Variants in SCN4A observed in about 807,000 individuals in gnomAD.
SCN4A encodes the protein sodium channel protein type 4 subunit alpha.
A neutral mutation model predicts 162.0 loss-of-function variants in SCN4A; 83 were observed. The observed-to-expected ratio is 0.51, with a 90% confidence interval of 0.43 to 0.61. The LOEUF (loss-of-function observed/expected upper bound fraction) is 0.61. Ranked by LOEUF, SCN4A falls within the 20% of genes least tolerant of loss-of-function variation. The probability of loss-of-function intolerance (pLI) is 0.00; values close to 1 mark genes in which losing one functional copy is unlikely to be tolerated. For synonymous variants in SCN4A, 944 were observed against 985.1 expected (o/e 0.96, Z 0.78); for missense variants, 2,196 against 2,462.5 (o/e 0.89, Z 2.29).
intron 10 of SCN4A, chr17:63,961,680 A>G: frequency 2.0e-6 from 1 of 503,156 alleles, no homozygotes; most frequent in Non-Finnish European, 3.6e-6. Flanking sequence ...TCCAAGCTCC[A>G]CCGCCTCAGT....
intron 10 of SCN4A, 34 bp from the exon 11 acceptor site, chr17:63,961,465 GAT>G (rs1567824791): frequency 6.7e-7 from 1 of 1,503,724 alleles, no homozygotes; most frequent in Admixed American, 1.7e-5. Context: ...ATCTGGTGAG[GAT>G]TATCCCCTCA....
rs1194087112 is a variant in SCN4A, at chr17:63,949,715, A to T, written c.2854-187T>A. 3 of 604,326 alleles carry T rather than the reference A, an allele frequency of 5.0e-6. No individual in the cohort carries two copies. The East Asian group carries it at 8.9e-5, about 18-fold the overall frequency. 37.4% of individuals were successfully genotyped at this position (604,326 alleles called of 1,614,324 possible). A position where few individuals can be genotyped will look rare whatever the true frequency, so the allele number is the denominator to read the frequency against. ...CACGGGGACGTAGGTGGCCCTGGTC[A>T]TGCCCGCATGACACTTATATAAGGA... On this transcript the variant is annotated intron_variant, in intron 14 of 23. Coordinates refer to ENST00000435607, the MANE Select transcript of SCN4A (RefSeq NM_000334.4).
At chr17:63,942,258 G>GGTGTGTGTGTGTGTGT (rs58036769) in intron 23 of SCN4A, among the ~76,000 whole-genome samples, 1 of 138,542 alleles carries the variant, frequency 7.2e-6, no homozygotes, top group Non-Finnish European at 1.5e-5. Flanking sequence ...AAATGCCACT[G>GGTGTGTGTGTGTGTGT]GTGTGTGTGT....
rs1299411449 is a variant in SCN4A at position 63,945,073 on chromosome 17, G to A, written c.3721-13C>T. ...CCTTGAAGGTGGCCTGAGAGAGTGT[G>A]GTTGGGGAGTGAGCCGGGGGGCTGC... On this transcript the variant is annotated splice_polypyrimidine_tract_variant and intron_variant, in intron 19 of 23. Coordinates refer to ENST00000435607, the MANE Select transcript of SCN4A (RefSeq NM_000334.4). This position sits in a 1 kb window ranked among gnomAD's most constrained non-coding sequence, Gnocchi z 4.4. 1.9e-6 allele frequency: 3 copies of A among 1,612,732 alleles called. No individual in the cohort carries two copies. In the South Asian group the frequency reaches 3.3e-5, roughly 18 times the overall value.
chr17:63,954,823 G>A (rs1352235889), intron 13 of SCN4A, among the ~76,000 whole-genome samples: 1 of 152,142 alleles, frequency 6.6e-6, no homozygotes, highest in Non-Finnish European at 1.5e-5. Context: ...GTGTTCGTGT[G>A]TGCATGTCTG....
In SCN4A at chr17:63,942,258, G is replaced by GGTGTGTGTGT. The variant is rs58036769; in HGVS notation, c.4289-275_4289-266dup. On this transcript the variant is annotated intron_variant, in intron 23 of 23. Transcript: ENST00000435607. ...CCCAAGGCTGTTTGCAAATGCCACT[G>GGTGTGTGTGT]GTGTGTGTGTGTGTGTGTGTGTGTG... Among the ~76,000 whole-genome samples the GGTGTGTGTGT allele has an allele frequency of 7.7e-3, 1,067 of 138,622 alleles. 6 individuals carry two copies. The highest frequency in any genetic ancestry group is 0.019 in the Admixed American group (279 of 14,376). The allele number at this position is 138,622 out of a possible 152,430, so 90.9% of individuals were successfully genotyped here.
chr17:63,951,073 C>A lies in SCN4A; in HGVS notation c.2853+351G>T, dbSNP rs1051356842. On this transcript the variant is annotated intron_variant, in intron 14 of 23. Coordinates refer to ENST00000435607, the MANE Select transcript of SCN4A (RefSeq NM_000334.4). This position sits in a 1 kb window ranked among gnomAD's most constrained non-coding sequence, Gnocchi z 4.5. ...CCCAGAGGAGAATATGTAAGAGAGG[C>A]CTCTCAGGTCCTGGTCCTGGAGCTG... Among the ~76,000 whole-genome samples the A allele has an allele frequency of 6.6e-6, 1 of 152,154 alleles. No homozygotes were observed. The highest frequency in any genetic ancestry group is 2.4e-5 in the African/African-American group (1 of 41,434).
chr17:63,962,055 C>T (rs1299397304), intron 10 of SCN4A, among the ~76,000 whole-genome samples: 1 of 151,948 alleles, frequency 6.6e-6, no homozygotes, highest in African/African-American at 2.4e-5. Context: ...CCTTTCAATG[C>T]CCTGCCTCAA....
rs79893125 is a variant in SCN4A at position 63,951,646 on chromosome 17, A to T, written c.2631T>A (p.Asp877Glu). 2.5e-6 allele frequency: 4 copies of T among 1,603,166 alleles called. No homozygotes were observed. The African/African-American group carries it at 5.4e-5, about 21-fold the overall frequency. Residue 877 changes from aspartate to glutamate, a missense_variant, in exon 14 of 24, where the codon GAT (aspartate) becomes GAA (glutamate). Coordinates refer to ENST00000435607, the MANE Select transcript of SCN4A (RefSeq NM_000334.4). This position sits in a 1 kb window ranked among gnomAD's most constrained non-coding sequence, Gnocchi z 4.5. The part of the protein sequence containing the change: ...AGEAGETAPE[D>E]EKKEPPEEDL... Reference sequence around the variant, plus strand: ...CCTCCTCGGGCGGCTCCTTCTTCTCATCCTCGGGGGCAGTCTCCCCCGCCT... The same window carrying T: ...CCTCCTCGGGCGGCTCCTTCTTCTCTTCCTCGGGGGCAGTCTCCCCCGCCT...
At chr17:63,958,340 G>C (rs747840119) in intron 12 of SCN4A, among the ~76,000 whole-genome samples, 1 of 151,804 alleles carries the variant, frequency 6.6e-6, no homozygotes, top group East Asian at 1.9e-4. Flanking sequence ...CTGGGTGACA[G>C]AGAAACCCTG....
rs767091174 is a variant in SCN4A, at chr17:63,964,723, C to T, written c.1243-46G>A. ...AGTGGAGGGGTCCCATGACGTCCAC[C>T]TCCTTTGACCCAGTGCCCCTTTCCA... On this transcript the variant is annotated intron_variant, in intron 8 of 23. Transcript: ENST00000435607. 5.5e-6 allele frequency: 8 copies of T among 1,466,088 alleles called. 1 individual carries two copies. In the South Asian group the frequency reaches 8.5e-5, roughly 16 times the overall value. The allele number at this position is 1,466,088 out of a possible 1,614,324, so 90.8% of individuals were successfully genotyped here. A position where few individuals can be genotyped will look rare whatever the true frequency, so the allele number is the denominator to read the frequency against.
In SCN4A at chr17:63,966,679, C is replaced by T. The variant is rs765159459; in HGVS notation, c.1037-135G>A. 3.2e-4 allele frequency: 216 copies of T among 679,458 alleles called. 1 individual carries two copies. The highest frequency in any genetic ancestry group is 7.6e-5 in the Non-Finnish European group (29 of 383,632). 42.1% of individuals were successfully genotyped at this position (679,458 alleles called of 1,614,324 possible). A position where few individuals can be genotyped will look rare whatever the true frequency, so the allele number is the denominator to read the frequency against. On this transcript the variant is annotated intron_variant, in intron 6 of 23. Transcript: ENST00000435607. ...AACGGATGTTCCCTGGCTGCCTCTT[C>T]CCCGTCCTTTAAGGACAGCTCCAAG...
Position 63,943,730 on chromosome 17 carries a change from G to T in SCN4A, c.4017+16C>A, listed in dbSNP as rs557560802. 76 of 1,521,676 alleles carry T rather than the reference G, an allele frequency of 5.0e-5. 1 individual carries two copies. The South Asian group carries it at 7.6e-4, about 15-fold the overall frequency. 94.3% of individuals were successfully genotyped at this position (1,521,676 alleles called of 1,614,324 possible). On this transcript the variant is annotated intron_variant, in intron 22 of 23. Coordinates refer to ENST00000435607, the MANE Select transcript of SCN4A (RefSeq NM_000334.4). ...CCTGGCAGCACACACAGGACAGGGGGCCCAGAGGTCTGTACCTGGGGCCGG... is the reference window on the plus strand; with the variant it reads ...CCTGGCAGCACACACAGGACAGGGGTCCCAGAGGTCTGTACCTGGGGCCGG...
Position 63,945,812 on chromosome 17 carries a change from GA to G in SCN4A, c.3442-175del, listed in dbSNP as rs891504644. On this transcript the variant is annotated intron_variant, in intron 18 of 23. Transcript: ENST00000435607. The surrounding 1 kb of genome is among the most constrained non-coding windows in gnomAD (Gnocchi z 4.4). ...TGTGCAGGTTGGGGGTGGTAAGGGG[GA>G]GGGGGAGGGAGCTGCAGGCCTGGTG... Among the ~76,000 whole-genome samples, 1 of 151,500 alleles carries G rather than the reference GA, an allele frequency of 6.6e-6. No homozygotes were observed. The highest frequency in any genetic ancestry group is 2.4e-5 in the African/African-American group (1 of 41,238).
chr17:63,964,332 T>C (rs756561885), intron 9 of SCN4A, 136 bp downstream of exon 9: 2 of 696,764 alleles, frequency 2.9e-6, no homozygotes, highest in Non-Finnish European at 4.9e-6. Flanking sequence ...GCCCAGGGCC[T>C]TCTGCTCCTT....
At chr17:63,957,621 GC>G (rs1012495639) in intron 12 of SCN4A, 103 bp from the exon 13 acceptor site, 8 of 727,432 alleles carry the variant, frequency 1.1e-5, no homozygotes, top group African/African-American at 1.1e-4. Context: ...TGAATCTCCA[GC>G]CCCCCACACC....
rs866065846 is a variant in SCN4A at position 63,941,353 on chromosome 17, G to A, written c.4929C>T (p.Phe1643=). 11 of 1,613,806 alleles carry A rather than the reference G, an allele frequency of 6.8e-6. No homozygotes were observed. The highest frequency in any genetic ancestry group is 2.2e-5 in the East Asian group (1 of 44,884). The change falls in exon 24 of 24, where the codon TTC becomes TTT. Residue 1643 remains phenylalanine (F), a synonymous_variant. Coordinates refer to ENST00000435607, the MANE Select transcript of SCN4A (RefSeq NM_000334.4). The surrounding 1 kb of genome is among the most constrained non-coding windows in gnomAD (Gnocchi z 6.2). ...TCAGCGGTTCCTGCAGGGTGTCCACGAAGTCTGAGAGGCGGCTGTAGGCGA... is the reference window on the plus strand; with the variant it reads ...TCAGCGGTTCCTGCAGGGTGTCCACAAAGTCTGAGAGGCGGCTGTAGGCGA... The part of the protein sequence containing the change: ...QFIAYSRLSD[F]VDTLQEPLRI...
chr17:63,947,113 T>G lies in SCN4A; in HGVS notation c.3373A>C (p.Ile1125Leu). ...NWLGYSELGP[I>L]KSLRTLRALR... ...GCCCGCAGTGTCCGCAGGGATTTGA[T>G]GGGTCCCAGCTCCGAGTAGCCCAGC... The change falls in exon 18 of 24, where the codon ATC (isoleucine) becomes CTC (leucine). Residue 1125 changes from isoleucine to leucine, a missense_variant. By Grantham distance (5) the Ile-to-Leu change is conservative. Coordinates refer to ENST00000435607, the MANE Select transcript of SCN4A (RefSeq NM_000334.4). 1 of 1,613,480 alleles carries G rather than the reference T, an allele frequency of 6.2e-7. No homozygotes were observed. Among genetic ancestry groups the G allele is most frequent in the Non-Finnish European group, 8.5e-7 (1 of 1,179,758 alleles).
In SCN4A at chr17:63,941,536, G is replaced by A. The variant is rs1908531786; in HGVS notation, c.4746C>T (p.Ile1582=). Residue 1582 remains isoleucine, a synonymous_variant, in exon 24 of 24, where the codon ATC becomes ATT. Transcript: ENST00000435607. This position sits in a 1 kb window ranked among gnomAD's most constrained non-coding sequence, Gnocchi z 6.2. Reference sequence around the variant, plus strand: ...TGACCACGATGAGGAAGGAGATGATGATATAGCTGCAGAAGAAGCAGATGC... The same window carrying A: ...TGACCACGATGAGGAAGGAGATGATAATATAGCTGCAGAAGAAGCAGATGC... The part of the protein sequence containing the change: ...SIGICFFCSY[I]IISFLIVVNM... The A allele has an allele frequency of 1.2e-6, 2 of 1,614,124 alleles. No homozygotes were observed. The highest frequency in any genetic ancestry group is 8.5e-7 in the Non-Finnish European group (1 of 1,180,032).
Sources: allele counts gnomAD v4.1 joint callset (sites outside exome capture counted in the v4.1 genomes callset), GRCh38; gene constraint gnomAD v4.1.1; non-coding constraint Gnocchi (gnomAD v3.1); transcripts MANE v1.5; gene names NCBI Gene and HGNC (gene_info 2026-07-23, HGNC 2026-07-21).